Variants in RABGAP1L observed in about 807,000 individuals in gnomAD.
The protein encoded by RABGAP1L is RAB GTPase activating protein 1 like, also known as rab GTPase-activating protein 1-like.
RABGAP1L carries 63 observed loss-of-function variants against 137.7 expected under a neutral mutation model. The ratio of observed to expected loss-of-function variants is 0.46; its 90% CI spans 0.37 to 0.56. The LOEUF (loss-of-function observed/expected upper bound fraction) is 0.56. Among genes scored for constraint, RABGAP1L ranks in the 20% least tolerant of loss-of-function variants. The probability of loss-of-function intolerance (pLI) is 0.00; values close to 1 mark genes in which losing one functional copy is unlikely to be tolerated. For synonymous variants in RABGAP1L, 431 were observed against 433.7 expected, an observed-to-expected ratio of 0.99 and a Z score of 0.08; for missense variants, 1,095 against 1,244.0, an observed-to-expected ratio of 0.88 and a Z score of 1.80.
chr1:174,307,185 G>T (rs1678359209), intron 11 of RABGAP1L, among the ~76,000 whole-genome samples: 1 of 152,136 alleles, frequency 6.6e-6, no homozygotes, highest in Non-Finnish European at 1.5e-5. Flanking sequence ...ACAAAGCTGA[G>T]ATCTGAGTCC....
At chr1:174,300,357 C>T (rs1012486182) in intron 10 of RABGAP1L, among the ~76,000 whole-genome samples, 2 of 151,642 alleles carry the variant, frequency 1.3e-5, no homozygotes, top group African/African-American at 4.8e-5. Context: ...GAAACTCCAT[C>T]TCTACTAAAA....
chr1:174,441,237 T>G (rs1209072921), intron 13 of RABGAP1L, among the ~76,000 whole-genome samples: 1 of 151,864 alleles, frequency 6.6e-6, no homozygotes, highest in Admixed American at 6.6e-5. Context: ...AGCTGATGAT[T>G]GTAAAAAAAA....
chr1:174,981,063 A>G (rs1471307121), intron 23 of RABGAP1L, among the ~76,000 whole-genome samples: 1 of 152,172 alleles, frequency 6.6e-6, no homozygotes, highest in African/African-American at 2.4e-5. Flanking sequence ...CATGTTTTTC[A>G]TTGCCAGATT....
intron 13 of RABGAP1L, among the ~76,000 whole-genome samples, chr1:174,453,581 A>T (rs2149263285): frequency 6.6e-6 from 1 of 152,262 alleles, no homozygotes; most frequent in Non-Finnish European, 1.5e-5. Flanking sequence ...AGGAGCATGT[A>T]TGTGTTACTC....
intron 13 of RABGAP1L, among the ~76,000 whole-genome samples, chr1:174,609,751 A>G (rs1344265871): frequency 6.6e-6 from 1 of 152,206 alleles, no homozygotes; most frequent in Non-Finnish European, 1.5e-5. Context: ...ATACACCTTA[A>G]TTATGTAATT....
chr1:174,590,022 T>C (rs1304815676), intron 13 of RABGAP1L, among the ~76,000 whole-genome samples: 2 of 152,024 alleles, frequency 1.3e-5, no homozygotes, highest in African/African-American at 4.8e-5. Flanking sequence ...TTGATTCGGA[T>C]TACACTGAAT....
At chr1:174,279,144 C>G (rs1675269258) in intron 10 of RABGAP1L, among the ~76,000 whole-genome samples, 1 of 152,060 alleles carries the variant, frequency 6.6e-6, no homozygotes. Flanking sequence ...GAAAATGTTT[C>G]TAAGAAATAC....
intron 13 of RABGAP1L, among the ~76,000 whole-genome samples, chr1:174,575,935 GT>G (rs903636757): frequency 1.3e-5 from 2 of 152,172 alleles, no homozygotes; most frequent in African/African-American, 4.8e-5. Context: ...ATTTAGGGTT[GT>G]TTGATTATAA....
At chr1:174,717,865 G>A (rs59354288) in intron 17 of RABGAP1L, among the ~76,000 whole-genome samples, 11,929 of 152,184 alleles carry the variant, frequency 0.078, 652 homozygotes, top group East Asian at 0.32. Context: ...AAGGAAGTAC[G>A]TTAGTTGATT....
chr1:174,266,775 A>G (rs1420017276), intron 7 of RABGAP1L, among the ~76,000 whole-genome samples: 2 of 152,212 alleles, frequency 1.3e-5, no homozygotes, highest in Non-Finnish European at 2.9e-5. Context: ...ACATTTTACA[A>G]AAATGGATAA....
intron 19 of RABGAP1L, chr1:174,877,519 G>T (rs745351539): frequency 1.2e-6 from 2 of 1,614,114 alleles, no homozygotes; most frequent in African/African-American, 2.7e-5. Flanking sequence ...CTCCATTATG[G>T]TAGCCTATGA....
chr1:174,256,560 A>T (rs1673144187), intron 7 of RABGAP1L, among the ~76,000 whole-genome samples: 1 of 152,194 alleles, frequency 6.6e-6, no homozygotes, highest in Non-Finnish European at 1.5e-5. Flanking sequence ...AGGCGGGCAG[A>T]TCACGAGGTC....
At chr1:174,457,163 AATATTTAGCCATGTGTTTGGATGCT>A (rs1656124533) in intron 13 of RABGAP1L, among the ~76,000 whole-genome samples, 1 of 152,172 alleles carries the variant, frequency 6.6e-6, no homozygotes, top group East Asian at 1.9e-4. Context: ...AATTGGCTTC[AATATTTAGCCATGTGTTTGGATGCT>A]ATAGTTCTAA....
chr1:174,305,051 G>C lies in RABGAP1L; in HGVS notation c.1389G>C (p.Glu463Asp). Residue 463 changes from glutamate (E) to aspartate (D), a missense_variant, in exon 11 of 26, where the codon GAG (glutamate) becomes GAC (aspartate). Around this residue, in one of 4 missense-constraint regions of RABGAP1L, gnomAD observed 315 missense variants for 324.8 expected, o/e 0.97. Transcript: ENST00000681986. ...ATGAGGTGGTGAGTCTACAGCGAGA[G>C]TCTGACAAGGAGGAACCAGTCACTC... The part of the protein sequence containing the change: ...AIYEVVSLQR[E>D]SDKEEPVTPT... The C allele has an allele frequency of 1.3e-6, 2 of 1,563,208 alleles. No homozygotes were observed. The highest frequency in any genetic ancestry group is 1.7e-6 in the Non-Finnish European group (2 of 1,159,614).
At chr1:174,244,126 CAGA>C (rs1672057300) in intron 5 of RABGAP1L, among the ~76,000 whole-genome samples, 2 of 152,268 alleles carry the variant, frequency 1.3e-5, no homozygotes, top group African/African-American at 4.8e-5. Flanking sequence ...GTCTGGTTCC[CAGA>C]AGTTTTCTGT....
chr1:174,588,912 G>A (rs1465799586), intron 13 of RABGAP1L, among the ~76,000 whole-genome samples: 3 of 152,232 alleles, frequency 2.0e-5, no homozygotes, highest in South Asian at 2.1e-4. Context: ...AGTAAACATA[G>A]GAGTGCAGAT....
chr1:174,596,136 C>G (rs1242600214), intron 13 of RABGAP1L, among the ~76,000 whole-genome samples: 2 of 137,606 alleles, frequency 1.5e-5, no homozygotes, highest in Admixed American at 7.1e-5. Flanking sequence ...GTCCGTCACC[C>G]CTTTCTTTGA....
intron 12 of RABGAP1L, among the ~76,000 whole-genome samples, chr1:174,384,557 A>G (rs1022630952): frequency 2.6e-5 from 4 of 152,146 alleles, no homozygotes; most frequent in Non-Finnish European, 4.4e-5. Flanking sequence ...TGTCTTATAC[A>G]TAGATGGCTA....
rs900185081 is a variant in RABGAP1L, at chr1:174,984,597, C to T, written c.2805+1692C>T. On this transcript the variant is annotated intron_variant, in intron 24 of 25. Transcript: ENST00000681986. ...CTCTGCTAAAAATAACAAAAATTAG[C>T]CAGGCATAGTGGCTCACACCTGTAA... 5.9e-5 allele frequency among the ~76,000 whole-genome samples: 9 copies of T among 152,208 alleles called. No homozygotes were observed. The South Asian group carries it at 1.9e-3, about 32-fold the overall frequency.
Sources: allele counts gnomAD v4.1 joint callset (sites outside exome capture counted in the v4.1 genomes callset), GRCh38; gene constraint gnomAD v4.1.1; regional missense constraint gnomAD v4.1.1; transcripts MANE v1.5; gene names NCBI Gene and HGNC (gene_info 2026-07-23, HGNC 2026-07-21).